The following MDGA2 variants were observed in gnomAD, a reference collection of about 807,000 sequenced individuals.
The protein encoded by MDGA2 is MAM domain-containing glycosylphosphatidylinositol anchor protein 2.
Under a neutral mutation model 117.8 loss-of-function variants are expected in MDGA2, and 40 were observed. That is an observed-to-expected ratio of 0.34 (90% CI 0.26 to 0.44). The LOEUF is 0.44. Ranked by LOEUF, MDGA2 falls within the 20% of genes least tolerant of loss-of-function variation. The pLI is 1.00. For synonymous variants in MDGA2, 452 were observed against 439.0 expected (o/e 1.03, Z -0.37); for missense variants, 1,123 against 1,250.6 (o/e 0.90, Z 1.54).
chr14:47,629,433 C>CA (rs1317170369), intron 1 of MDGA2, among the ~76,000 whole-genome samples: 1 of 151,914 alleles, frequency 6.6e-6, no homozygotes, highest in African/African-American at 2.4e-5. Context: ...AGTTGTATGC[C>CA]AAAAAAAGGA....
chr14:47,256,218 A>G (rs1282197209), intron 2 of MDGA2, among the ~76,000 whole-genome samples: 2 of 151,914 alleles, frequency 1.3e-5, no homozygotes, highest in East Asian at 3.9e-4. Flanking sequence ...CATGATTAAC[A>G]TGGAGTATGT....
intron 2 of MDGA2, among the ~76,000 whole-genome samples, chr14:47,298,993 T>G (rs1889183338): frequency 6.6e-6 from 1 of 152,102 alleles, no homozygotes; most frequent in African/African-American, 2.4e-5. Flanking sequence ...GCCGCCCAGT[T>G]AATTTTTCAA....
At chr14:47,153,227 G>T (rs1883230532) in intron 3 of MDGA2, among the ~76,000 whole-genome samples, 1 of 152,176 alleles carries the variant, frequency 6.6e-6, no homozygotes, top group African/African-American at 2.4e-5. Context: ...AAGGAGATCA[G>T]TAAGAAGGTT....
At chr14:47,515,539 G>T (rs929939062) in intron 1 of MDGA2, among the ~76,000 whole-genome samples, 1 of 152,080 alleles carries the variant, frequency 6.6e-6, no homozygotes, top group Non-Finnish European at 1.5e-5. Flanking sequence ...GTGGCTGGGT[G>T]CCAAATATCA....
At chr14:47,233,581 G>A (rs1886760610) in intron 2 of MDGA2, among the ~76,000 whole-genome samples, 1 of 152,112 alleles carries the variant, frequency 6.6e-6, no homozygotes, top group African/African-American at 2.4e-5. Context: ...TGAGTAAGGT[G>A]GGTCATTAAA....
At chr14:47,271,893 G>A (rs924005732) in intron 2 of MDGA2, among the ~76,000 whole-genome samples, 2 of 152,000 alleles carry the variant, frequency 1.3e-5, no homozygotes, top group Non-Finnish European at 2.9e-5. Flanking sequence ...CTTCACCCTT[G>A]ACAAGTCACA....
chr14:47,106,939 T>G (rs12435543), intron 5 of MDGA2, among the ~76,000 whole-genome samples: 4,915 of 112,910 alleles, frequency 0.044, 143 homozygotes, highest in Middle Eastern at 0.08. Context: ...CCCAGTTCCC[T>G]TATTAGGCCG....
At chr14:47,400,758 C>CTT (rs570103742) in intron 1 of MDGA2, among the ~76,000 whole-genome samples, 760 of 66,116 alleles carry the variant, frequency 0.011, 56 homozygotes, top group African/African-American at 0.023. Flanking sequence ...CTTTTCTTTT[C>CTT]TTTTTTTTTT....
At chr14:46,919,159 A>T (rs1331417640) in intron 10 of MDGA2, among the ~76,000 whole-genome samples, 1 of 152,214 alleles carries the variant, frequency 6.6e-6, no homozygotes, top group African/African-American at 2.4e-5. Flanking sequence ...TTGGAGGTTG[A>T]TCAGTCTTAC....
intron 2 of MDGA2, among the ~76,000 whole-genome samples, chr14:47,218,614 A>G (rs933630682): frequency 3.9e-5 from 6 of 152,096 alleles, no homozygotes; most frequent in African/African-American, 1.2e-4. Flanking sequence ...ATTTTTGGAC[A>G]TGCCTCATTC....
intron 1 of MDGA2, among the ~76,000 whole-genome samples, chr14:47,499,778 C>T (rs1413070334): frequency 7.2e-5 from 11 of 152,094 alleles, no homozygotes; most frequent in Non-Finnish European, 1.5e-5. Flanking sequence ...AGGGGCAGTT[C>T]GTAGGCACTG....
intron 1 of MDGA2, among the ~76,000 whole-genome samples, chr14:47,540,510 G>A (rs1005202048): frequency 1.9e-5 from 2 of 107,210 alleles, no homozygotes; most frequent in Non-Finnish European, 3.9e-5. Flanking sequence ...GTTTGTATAT[G>A]TATATGTATA....
intron 1 of MDGA2, 67 bp downstream of exon 1, chr14:47,674,450 A>T: frequency 7.2e-7 from 1 of 1,395,404 alleles, no homozygotes; most frequent in Non-Finnish European, 9.8e-7. Context: ...CGAGTCGTGC[A>T]TTTTCGCTCA....
intron 2 of MDGA2, among the ~76,000 whole-genome samples, chr14:47,226,706 G>A (rs985805634): frequency 2.0e-5 from 3 of 151,978 alleles, no homozygotes; most frequent in East Asian, 1.9e-4. Context: ...TGATTTTGTC[G>A]CACTGCCAAG....
chr14:47,671,309 T>C (rs891763130), intron 1 of MDGA2, among the ~76,000 whole-genome samples: 15 of 152,164 alleles, frequency 9.9e-5, no homozygotes, highest in African/African-American at 3.6e-4. Flanking sequence ...GTCAAACAGA[T>C]TGGGCATAAC....
In MDGA2 at chr14:47,375,847, G is replaced by T. The variant is rs188973390; in HGVS notation, c.281-74297C>A. Among the ~76,000 whole-genome samples the T allele has an allele frequency of 3.3e-5, 5 of 152,188 alleles. No homozygotes were observed. In the East Asian group the frequency reaches 9.7e-4, roughly 29 times the overall value. On this transcript the variant is annotated intron_variant, in intron 1 of 16. Coordinates refer to ENST00000399232, the MANE Select transcript of MDGA2 (RefSeq NM_001113498.3). The stretch of plus-strand genomic sequence containing the variant: ...TGTGTAATTTATGTGTACAACATAA[G>T]TAAAGTTATATTTTACCCACAGCTG...
intron 6 of MDGA2, among the ~76,000 whole-genome samples, chr14:47,082,332 GAAAA>G: frequency 6.9e-6 from 1 of 144,580 alleles, no homozygotes; most frequent in African/African-American, 2.5e-5. Context: ...TCCAGGGAAG[GAAAA>G]AAAAAAAAAA....
chr14:47,458,662 A>C (rs1378382572), intron 1 of MDGA2, among the ~76,000 whole-genome samples: 1 of 152,174 alleles, frequency 6.6e-6, no homozygotes, highest in Non-Finnish European at 1.5e-5. Context: ...AAGTGTTGTC[A>C]GCACACACTG....
intron 1 of MDGA2, among the ~76,000 whole-genome samples, chr14:47,387,933 T>C (rs1891798279): frequency 6.6e-6 from 1 of 152,192 alleles, no homozygotes; most frequent in South Asian, 2.1e-4. Flanking sequence ...AATATGTGAA[T>C]AGGAAATCCC....
Sources: gnomAD v4.1 joint callset for allele counts (sites outside exome capture counted in the v4.1 genomes callset) on GRCh38, gnomAD v4.1.1 for gene constraint, MANE v1.5 for transcripts, NCBI Gene and HGNC (gene_info 2026-07-23, HGNC 2026-07-21) for gene names.